SFMBT2: variants seen among roughly 807,000 people sequenced by gnomAD.
The protein encoded by SFMBT2 is Scm like with four mbt domains 2.
Under a neutral mutation model 110.1 loss-of-function variants are expected in SFMBT2, and 38 were observed. That is an observed-to-expected ratio of 0.35 (90% CI 0.27 to 0.45). The LOEUF (loss-of-function observed/expected upper bound fraction) is 0.45, where lower values mean the gene tolerates loss of function less well. SFMBT2 is among the 20% of genes least tolerant of loss of function. SFMBT2 has a pLI of 1.00. For missense variants in SFMBT2, 1,011 were observed against 1,094.9 expected, an observed-to-expected ratio of 0.92 and a Z score of 1.08; for synonymous variants, 425 against 425.4, an observed-to-expected ratio of 1.00 and a Z score of 0.01.
intron 1 of SFMBT2, among the ~76,000 whole-genome samples, chr10:7,389,131 C>A (rs956520737): frequency 1.3e-5 from 2 of 152,134 alleles, no homozygotes; most frequent in African/African-American, 2.4e-5. Flanking sequence ...ACTAATGGAA[C>A]CTATGCAGTG....
chr10:7,210,423 G>T (rs570736757), intron 11 of SFMBT2, among the ~76,000 whole-genome samples: 1 of 152,146 alleles, frequency 6.6e-6, no homozygotes, highest in Non-Finnish European at 1.5e-5. Context: ...AGGCAGGAGG[G>T]ACCCAGGGCG....
rs565547440 is a variant in SFMBT2, at chr10:7,354,571, T to C, written c.436+13078A>G. ...TCATGGAAGAGACAGGCCTGGTGGA[T>C]GTAGAAACTGGCTCCCTAAATCCAC... On this transcript the variant is annotated intron_variant, in intron 4 of 20. Transcript: ENST00000397167. 2.6e-5 allele frequency among the ~76,000 whole-genome samples: 4 copies of C among 152,238 alleles called. No individual in the cohort carries two copies. In the East Asian group the frequency reaches 5.8e-4, roughly 22 times the overall value.
intron 20 of SFMBT2, among the ~76,000 whole-genome samples, chr10:7,168,068 C>CAA (rs111860362): frequency 3.9e-4 from 56 of 145,326 alleles, no homozygotes; most frequent in Non-Finnish European, 6.0e-4. Flanking sequence ...AACTCCATCT[C>CAA]AAAAAAAAAA....
At position 7,183,405 on chromosome 10, in the gene SFMBT2, G is replaced by C. The variant is rs563255715; in HGVS notation, c.1808+5219C>G. Among the ~76,000 whole-genome samples the C allele has an allele frequency of 5.4e-4, 82 of 152,338 alleles. 1 individual carries two copies. Among genetic ancestry groups the C allele is most frequent in the African/African-American group, 1.8e-3 (75 of 41,576 alleles). ...CTTTGAGACAGTAAAGGAAGTCACA[G>C]ATCAACAGTGGAAAACACAGGAGAT... On this transcript the variant is annotated intron_variant, in intron 16 of 20. Transcript: ENST00000397167.
At chr10:7,349,430 C>CT (rs1442343903) in intron 4 of SFMBT2, among the ~76,000 whole-genome samples, 5 of 49,442 alleles carry the variant, frequency 1.0e-4, no homozygotes, top group African/African-American at 1.4e-4. Context: ...ACTCTTTTTT[C>CT]TTTTCTTTTC....
At position 7,321,490 on chromosome 10, in the gene SFMBT2, C is replaced by T. The variant is rs1006398701; in HGVS notation, c.437-35536G>A. Among the ~76,000 whole-genome samples, 19 of 152,202 alleles carry T rather than the reference C, an allele frequency of 1.2e-4. No individual in the cohort carries two copies. The East Asian group carries it at 1.5e-3, about 12-fold the overall frequency. On this transcript the variant is annotated intron_variant, in intron 4 of 20. Transcript: ENST00000397167. ...TGCTGGGATTACAGGCGTGAGCCAC[C>T]GTGCCCGGCATTTATGAGCATCTTA...
chr10:7,210,608 T>C (rs1277031407), intron 11 of SFMBT2, among the ~76,000 whole-genome samples: 2 of 152,224 alleles, frequency 1.3e-5, no homozygotes, highest in Admixed American at 1.3e-4. Flanking sequence ...TTAAAGGGCA[T>C]GGCAAATGCT....
chr10:7,176,390 A>G (rs537259538), intron 16 of SFMBT2: 66 of 814,316 alleles, frequency 8.1e-5, no homozygotes, highest in Non-Finnish European at 7.4e-6. Flanking sequence ...ATCCACTTCC[A>G]TAAACACCCC....
chr10:7,306,756 G>A (rs1047456031), intron 4 of SFMBT2, among the ~76,000 whole-genome samples: 4 of 151,004 alleles, frequency 2.6e-5, no homozygotes, highest in Non-Finnish European at 4.4e-5. Flanking sequence ...AAAAGAGGAA[G>A]GAAAGAGAAA....
intron 4 of SFMBT2, among the ~76,000 whole-genome samples, chr10:7,303,196 G>A (rs1014685105): frequency 6.6e-6 from 1 of 152,142 alleles, no homozygotes; most frequent in African/African-American, 2.4e-5. Flanking sequence ...AATTACCTGA[G>A]ATCAAATTAT....
chr10:7,281,348 A>G (rs1031323114), intron 6 of SFMBT2, among the ~76,000 whole-genome samples: 2 of 152,142 alleles, frequency 1.3e-5, no homozygotes, highest in African/African-American at 4.8e-5. Context: ...GGCAGCAGGG[A>G]AGAGCTCGTG....
chr10:7,205,470 C>CA, intron 12 of SFMBT2: 2 of 985,054 alleles, frequency 2.0e-6, no homozygotes, highest in Non-Finnish European at 2.4e-6. Context: ...TGAGAAAAAT[C>CA]AGTTCTTTTA....
At chr10:7,381,636 C>A in intron 2 of SFMBT2, among the ~76,000 whole-genome samples, 163 bp downstream of exon 2, 1 of 152,062 alleles carries the variant, frequency 6.6e-6, no homozygotes, top group East Asian at 1.9e-4. Context: ...AATCTTGACC[C>A]AAATTTTAGA....
At chr10:7,193,458 T>A (rs1554784635) in intron 15 of SFMBT2, among the ~76,000 whole-genome samples, 1 of 152,106 alleles carries the variant, frequency 6.6e-6, no homozygotes, top group Non-Finnish European at 1.5e-5. Flanking sequence ...AAGGACAATG[T>A]CCCCCCACCA....
At chr10:7,327,987 G>C (rs75527328) in intron 4 of SFMBT2, among the ~76,000 whole-genome samples, 4 of 152,176 alleles carry the variant, frequency 2.6e-5, no homozygotes, top group African/African-American at 4.8e-5. Flanking sequence ...ATACCCAGGA[G>C]TACAATTGCT....
At chr10:7,173,932 AC>A (rs898477854) in intron 17 of SFMBT2, among the ~76,000 whole-genome samples, 1 of 152,118 alleles carries the variant, frequency 6.6e-6, no homozygotes, top group African/African-American at 2.4e-5. Flanking sequence ...TCCTTTCTGC[AC>A]CCCAATTTCC....
rs79908870 is a variant in SFMBT2, at chr10:7,309,118, G to A, written c.437-23164C>T. 4.3e-4 allele frequency among the ~76,000 whole-genome samples: 66 copies of A among 152,328 alleles called. No individual in the cohort carries two copies. The East Asian group carries it at 0.011, about 25-fold the overall frequency. On this transcript the variant is annotated intron_variant, in intron 4 of 20. Transcript: ENST00000397167. ...AAAGAGGCTAACATTTGAAATTGTAGACTGAGTAAAGTGGACAGCCCTCCG... is the reference window on the plus strand; with the variant it reads ...AAAGAGGCTAACATTTGAAATTGTAAACTGAGTAAAGTGGACAGCCCTCCG...
chr10:7,269,214 C>T (rs1016130626), intron 7 of SFMBT2, among the ~76,000 whole-genome samples: 2 of 152,092 alleles, frequency 1.3e-5, no homozygotes, highest in Non-Finnish European at 2.9e-5. Flanking sequence ...TAAAGTATGG[C>T]ATCCAAAGCT....
In SFMBT2 at chr10:7,176,459, G is replaced by A. The variant is rs186367159; in HGVS notation, c.1809-294C>T. 241 of 984,004 alleles carry A rather than the reference G, an allele frequency of 2.4e-4. 1 individual carries two copies. Among genetic ancestry groups the A allele is most frequent in the African/African-American group, 1.1e-3 (61 of 57,278 alleles). The allele number at this position is 984,004 out of a possible 1,614,324, so 61.0% of individuals were successfully genotyped here. A position where few individuals can be genotyped will look rare whatever the true frequency, so the allele number is the denominator to read the frequency against. The stretch of plus-strand genomic sequence containing the variant: ...ACTTCATACCAAAGATGAGCGGTGC[G>A]GGATACATACCTGATGGGCATGGCT... On this transcript the variant is annotated intron_variant, in intron 16 of 20. Transcript: ENST00000397167.
Sources: allele counts gnomAD v4.1 joint callset (sites outside exome capture counted in the v4.1 genomes callset), GRCh38; gene constraint gnomAD v4.1.1; transcripts MANE v1.5; gene names NCBI Gene and HGNC (gene_info 2026-07-23, HGNC 2026-07-21).